The following GALNT7 variants were observed in gnomAD, a reference collection of about 807,000 sequenced individuals.
GALNT7 encodes the protein N-acetylgalactosaminyltransferase 7.
In GALNT7, 60 loss-of-function variants were observed where a neutral mutation model predicts 82.1. The observed-to-expected ratio is 0.73, with a 90% CI of 0.59 to 0.91. The LOEUF (loss-of-function observed/expected upper bound fraction) is 0.91. GALNT7 is among the 40% of genes least tolerant of loss of function. The pLI is 0.00. For synonymous variants in GALNT7, 243 were observed against 275.1 expected (o/e 0.88, Z 1.15); for missense variants, 660 against 804.2 (o/e 0.82, Z 2.17).
intron 2 of GALNT7, among the ~76,000 whole-genome samples, chr4:173,250,787 A>G (rs550684884): frequency 1.3e-5 from 2 of 152,236 alleles, no homozygotes; most frequent in African/African-American, 4.8e-5. Flanking sequence ...TCTTCTTGCT[A>G]CTATACTTCT....
intron 1 of GALNT7, among the ~76,000 whole-genome samples, chr4:173,183,681 G>A (rs1240934652): frequency 6.6e-6 from 1 of 152,060 alleles, no homozygotes; most frequent in Non-Finnish European, 1.5e-5. Flanking sequence ...CTCCCAGACG[G>A]GGCGGCCGGG....
At chr4:173,300,582 C>T (rs185178320) in intron 6 of GALNT7, among the ~76,000 whole-genome samples, 21 of 150,584 alleles carry the variant, frequency 1.4e-4, no homozygotes, top group Admixed American at 2.7e-4. Flanking sequence ...AGAAAGGAGG[C>T]TGGCACGTTC....
At position 173,249,366 on chromosome 4, in the gene GALNT7, G is replaced by A. The variant is rs143051831; in HGVS notation, c.587+926G>A. 1.9e-3 allele frequency among the ~76,000 whole-genome samples: 282 copies of A among 152,172 alleles called. 1 individual carries two copies. Among genetic ancestry groups the A allele is most frequent in the African/African-American group, 6.3e-3 (260 of 41,526 alleles). On this transcript the variant is annotated intron_variant, in intron 2 of 11. Coordinates refer to ENST00000265000, the MANE Select transcript of GALNT7 (RefSeq NM_017423.3). The stretch of plus-strand genomic sequence containing the variant: ...CTATTCACCAGCATTCTTTATGACC[G>A]CTAAGTAAAATCCTGTGTCCAATAT...
rs73001523 is a variant in GALNT7 at position 173,274,822 on chromosome 4, C to A, written c.588-17286C>A. On this transcript the variant is annotated intron_variant, in intron 2 of 11. Coordinates refer to ENST00000265000, the MANE Select transcript of GALNT7 (RefSeq NM_017423.3). ...AATTTTAACTCCCTCAAATTCACAA[C>A]TAGTTCTGGGAGTCAGCCGGGGATG... Among the ~76,000 whole-genome samples, 721 of 152,312 alleles carry A rather than the reference C, an allele frequency of 4.7e-3. 4 individuals carry two copies. Among genetic ancestry groups the A allele is most frequent in the African/African-American group, 0.016 (685 of 41,558 alleles).
intron 1 of GALNT7, among the ~76,000 whole-genome samples, chr4:173,214,146 A>G (rs935272298): frequency 1.3e-5 from 2 of 152,186 alleles, no homozygotes; most frequent in Non-Finnish European, 2.9e-5. Context: ...TGTTGTTATT[A>G]TTATTTTTTT....
intron 1 of GALNT7, among the ~76,000 whole-genome samples, chr4:173,242,747 G>A (rs1056758225): frequency 1.8e-4 from 27 of 152,182 alleles, no homozygotes; most frequent in African/African-American, 6.5e-4. Flanking sequence ...CCACATGTTG[G>A]TGAGAGTCTG....
At chr4:173,205,640 C>T (rs1254319407) in intron 1 of GALNT7, among the ~76,000 whole-genome samples, 1 of 152,108 alleles carries the variant, frequency 6.6e-6, no homozygotes, top group African/African-American at 2.4e-5. Context: ...ACAGGTTAGC[C>T]AGCTGAATGA....
chr4:173,249,886 C>T (rs1191808033), intron 2 of GALNT7, among the ~76,000 whole-genome samples: 5 of 152,262 alleles, frequency 3.3e-5, no homozygotes, highest in African/African-American at 7.2e-5. Context: ...TCGTCTAGAA[C>T]GTGTCTCAGT....
chr4:173,193,884 A>T (rs1420010628), intron 1 of GALNT7, among the ~76,000 whole-genome samples: 1 of 152,220 alleles, frequency 6.6e-6, no homozygotes, highest in African/African-American at 2.4e-5. Flanking sequence ...AGATGATTTT[A>T]CCAAAAACTA....
At chr4:173,209,734 C>T (rs1281722688) in intron 1 of GALNT7, among the ~76,000 whole-genome samples, 3 of 152,234 alleles carry the variant, frequency 2.0e-5, no homozygotes, top group Non-Finnish European at 4.4e-5. Flanking sequence ...CCCACCCTAC[C>T]TGCCAGTCTA....
At chr4:173,255,177 A>C (rs145325826) in intron 2 of GALNT7, among the ~76,000 whole-genome samples, 1,625 of 152,284 alleles carry the variant, frequency 0.011, 24 homozygotes, top group South Asian at 0.038. Context: ...TGTTTCTCTA[A>C]ACTTCCATTA....
In GALNT7 at chr4:173,170,360, A is replaced by G. The variant is rs141639055; in HGVS notation, c.126+1399A>G. Among the ~76,000 whole-genome samples the G allele has an allele frequency of 1.3e-3, 197 of 152,360 alleles. 1 individual carries two copies. The highest frequency in any genetic ancestry group is 0.01 in the Middle Eastern group (3 of 294). The stretch of plus-strand genomic sequence containing the variant: ...TTAACTTTCCTTCTGGAAAGTTAGC[A>G]TCAAGAAGTTGGGCAAAAAGGCTTG... On this transcript the variant is annotated intron_variant, in intron 1 of 11. Transcript: ENST00000265000.
intron 8 of GALNT7, among the ~76,000 whole-genome samples, chr4:173,307,699 C>G (rs1481431120): frequency 6.6e-6 from 1 of 152,178 alleles, no homozygotes; most frequent in African/African-American, 2.4e-5. Context: ...GCTCTGAGGC[C>G]TGGAGCATGA....
intron 1 of GALNT7, among the ~76,000 whole-genome samples, chr4:173,194,576 A>C (rs1215303483): frequency 6.6e-6 from 1 of 152,242 alleles, no homozygotes; most frequent in Non-Finnish European, 1.5e-5. Flanking sequence ...GTTGTTTCAG[A>C]GGCGGTTTCA....
At chr4:173,223,090 C>T (rs980363965) in intron 1 of GALNT7, among the ~76,000 whole-genome samples, 2 of 152,140 alleles carry the variant, frequency 1.3e-5, no homozygotes, top group African/African-American at 4.8e-5. Context: ...TTAGATGGAG[C>T]TTCCTAAGGA....
intron 1 of GALNT7, among the ~76,000 whole-genome samples, chr4:173,182,109 G>C (rs1344963967): frequency 6.6e-6 from 1 of 152,182 alleles, no homozygotes; most frequent in Non-Finnish European, 1.5e-5. Context: ...ACTTCCTAAA[G>C]ATAAATGAAT....
At chr4:173,204,148 G>A (rs754170735) in intron 1 of GALNT7, among the ~76,000 whole-genome samples, 1 of 152,166 alleles carries the variant, frequency 6.6e-6, no homozygotes, top group Non-Finnish European at 1.5e-5. Context: ...CACTCTGAAT[G>A]TATCATCTCA....
chr4:173,229,598 G>A (rs1233263554), intron 1 of GALNT7, among the ~76,000 whole-genome samples: 3 of 152,066 alleles, frequency 2.0e-5, no homozygotes, highest in Non-Finnish European at 4.4e-5. Flanking sequence ...CTTGGAGCAC[G>A]GCTTTTATCA....
In GALNT7 at chr4:173,226,182, A is replaced by T. The variant is rs543928103; in HGVS notation, c.127-21798A>T. On this transcript the variant is annotated intron_variant, in intron 1 of 11. Coordinates refer to ENST00000265000, the MANE Select transcript of GALNT7 (RefSeq NM_017423.3). Reference sequence around the variant, plus strand: ...AAATTTGCTATAATTTCTTCAAAACAAATTTTCTTGATAAAGACTTTTTCC... The same window carrying T: ...AAATTTGCTATAATTTCTTCAAAACTAATTTTCTTGATAAAGACTTTTTCC... Among the ~76,000 whole-genome samples the T allele has an allele frequency of 3.5e-4, 53 of 152,244 alleles. 1 individual carries two copies. The highest frequency in any genetic ancestry group is 1.3e-3 in the African/African-American group (52 of 41,522).
Sources: gnomAD v4.1 joint callset for allele counts (sites outside exome capture counted in the v4.1 genomes callset) on GRCh38, gnomAD v4.1.1 for gene constraint, MANE v1.5 for transcripts, NCBI Gene and HGNC (gene_info 2026-07-23, HGNC 2026-07-21) for gene names.